KIF6: variants seen among roughly 807,000 people sequenced by gnomAD.
The protein encoded by KIF6 is kinesin-like protein KIF6.
A neutral mutation model predicts 112.7 loss-of-function variants in KIF6; 106 were observed. The observed-to-expected ratio is 0.94, with a 90% confidence interval of 0.80 to 1.11. The LOEUF (loss-of-function observed/expected upper bound fraction) is 1.11. Ranked by LOEUF, KIF6 falls within the 50% of genes least tolerant of loss-of-function variation. The probability of loss-of-function intolerance (pLI) is 0.00; values close to 1 mark genes in which losing one functional copy is unlikely to be tolerated. For missense variants in KIF6, 929 were observed against 964.0 expected, an observed-to-expected ratio of 0.96 and a Z score of 0.48; for synonymous variants, 339 against 339.9, an observed-to-expected ratio of 1.00 and a Z score of 0.03.
chr6:39,376,187 C>T (rs1225719161), intron 16 of KIF6, among the ~76,000 whole-genome samples: 2 of 152,158 alleles, frequency 1.3e-5, no homozygotes, highest in Non-Finnish European at 2.9e-5. Context: ...GTTATCTCAG[C>T]CTTAGAGGGC....
In KIF6 at chr6:39,405,033, G is replaced by A. The variant is rs78239025; in HGVS notation, c.1810+14915C>T. 1.1e-3 allele frequency among the ~76,000 whole-genome samples: 171 copies of A among 151,874 alleles called. 5 individuals carry two copies. In the East Asian group the frequency reaches 0.029, roughly 25 times the overall value. On this transcript the variant is annotated intron_variant, in intron 15 of 22. Transcript: ENST00000287152. ...TTTGGTAAACAATTATTACTAGAATGTAGGAATATAATTGATTTTTATGTG... is the reference window on the plus strand; with the variant it reads ...TTTGGTAAACAATTATTACTAGAATATAGGAATATAATTGATTTTTATGTG...
intron 13 of KIF6, among the ~76,000 whole-genome samples, chr6:39,519,751 C>T (rs762729211): frequency 2.0e-5 from 2 of 97,916 alleles, no homozygotes; most frequent in African/African-American, 5.6e-5. Context: ...CCGGGCGCCG[C>T]GGCTCATGCC....
chr6:39,586,074 A>G (rs939806386), intron 8 of KIF6, among the ~76,000 whole-genome samples, 187 bp downstream of exon 8: 19 of 152,218 alleles, frequency 1.2e-4, no homozygotes, highest in African/African-American at 4.3e-4. Flanking sequence ...TGGGGTTATT[A>G]TAACAATGAC....
chr6:39,599,179 T>C (rs1782446351), intron 6 of KIF6, among the ~76,000 whole-genome samples: 3 of 152,162 alleles, frequency 2.0e-5, no homozygotes, highest in Non-Finnish European at 4.4e-5. Flanking sequence ...TTAATCTGAT[T>C]CAAGATACAA....
At chr6:39,553,868 C>T (rs182339707) in intron 10 of KIF6, 216 of 153,260 alleles carry the variant, frequency 1.4e-3, no homozygotes, top group Non-Finnish European at 2.3e-3. Flanking sequence ...AAGTGGGATA[C>T]GAGAAGTATT....
intron 13 of KIF6, among the ~76,000 whole-genome samples, chr6:39,485,331 T>C (rs755000210): frequency 2.6e-5 from 4 of 152,206 alleles, no homozygotes; most frequent in Non-Finnish European, 4.4e-5. Flanking sequence ...ATCAGCAAGA[T>C]TGTCCTTGAC....
At chr6:39,596,348 A>T (rs1270362197) in intron 6 of KIF6, 88 bp from the exon 7 acceptor site, 3 of 941,980 alleles carry the variant, frequency 3.2e-6, no homozygotes, top group Non-Finnish European at 4.9e-6. Context: ...TTCTAGTGAT[A>T]AGACATTTCC....
At chr6:39,602,381 C>T (rs1341119572) in intron 6 of KIF6, among the ~76,000 whole-genome samples, 1 of 152,144 alleles carries the variant, frequency 6.6e-6, no homozygotes, top group Non-Finnish European at 1.5e-5. Context: ...CAAAACTTTA[C>T]TTCTCACTGA....
intron 13 of KIF6, among the ~76,000 whole-genome samples, chr6:39,468,126 A>G (rs1287933150): frequency 6.6e-6 from 1 of 152,128 alleles, no homozygotes; most frequent in Non-Finnish European, 1.5e-5. Context: ...CAGAAGAATT[A>G]GTGAACCTGA....
In KIF6 at chr6:39,586,416, T is replaced by C. The variant is rs774937659; in HGVS notation, c.847-12A>G. 4 of 1,612,116 alleles carry C rather than the reference T, an allele frequency of 2.5e-6. No individual in the cohort carries two copies. Among genetic ancestry groups the C allele is most frequent in the Admixed American group, 1.7e-5 (1 of 59,886 alleles). On this transcript the variant is annotated splice_polypyrimidine_tract_variant and intron_variant, in intron 7 of 22. Transcript: ENST00000287152. ...AGGGCAATGATAACCTGTGGTAAAGTAGAAAGATAATGGGATTAATTTAGC... is the reference window on the plus strand; with the variant it reads ...AGGGCAATGATAACCTGTGGTAAAGCAGAAAGATAATGGGATTAATTTAGC...
At chr6:39,345,628 T>C in intron 21 of KIF6, 72 bp downstream of exon 21, 1 of 1,270,926 alleles carries the variant, frequency 7.9e-7, no homozygotes, top group Admixed American at 2.1e-5. Context: ...TTTCGGGGAG[T>C]AGACTGGAGA....
chr6:39,670,496 T>C lies in KIF6; in HGVS notation c.252-30739A>G, dbSNP rs530419069. Reference sequence around the variant, plus strand: ...AGGAAGAAAAGATATTTATTATTTATTAAGTGGAAGTGGGTCATCATACAT... The same window carrying C: ...AGGAAGAAAAGATATTTATTATTTACTAAGTGGAAGTGGGTCATCATACAT... On this transcript the variant is annotated intron_variant, in intron 3 of 22. Coordinates refer to ENST00000287152, the MANE Select transcript of KIF6 (RefSeq NM_145027.6). Among the ~76,000 whole-genome samples, 23 of 152,300 alleles carry C rather than the reference T, an allele frequency of 1.5e-4. 1 individual carries two copies. In the East Asian group the frequency reaches 3.9e-3, roughly 26 times the overall value.
chr6:39,420,694 T>C (rs1770299665), intron 14 of KIF6, among the ~76,000 whole-genome samples: 1 of 152,208 alleles, frequency 6.6e-6, no homozygotes. Flanking sequence ...AGTACTCCTC[T>C]ACCCAGAAAT....
intron 10 of KIF6, among the ~76,000 whole-genome samples, chr6:39,572,604 C>T (rs1453731526): frequency 1.3e-5 from 2 of 150,042 alleles, no homozygotes; most frequent in African/African-American, 2.5e-5. Flanking sequence ...ATATTTGACT[C>T]GCTTAGATTT....
chr6:39,571,942 A>G (rs548671572), intron 10 of KIF6, among the ~76,000 whole-genome samples: 2 of 142,506 alleles, frequency 1.4e-5, no homozygotes, highest in South Asian at 4.3e-4. Context: ...TCCTCTTGAC[A>G]TCCTTTAGAA....
At chr6:39,499,699 C>T (rs1025012251) in intron 13 of KIF6, among the ~76,000 whole-genome samples, 2 of 152,184 alleles carry the variant, frequency 1.3e-5, no homozygotes, top group Non-Finnish European at 2.9e-5. Flanking sequence ...TCCCTTCCCC[C>T]TTGAGCTATC....
At chr6:39,553,193 G>A (rs1029833575) in intron 10 of KIF6, among the ~76,000 whole-genome samples, 3 of 152,172 alleles carry the variant, frequency 2.0e-5, no homozygotes, top group African/African-American at 7.2e-5. Context: ...GCAAGGAATT[G>A]AGTTCAATGT....
At chr6:39,640,949 G>T (rs950313480) in intron 3 of KIF6, among the ~76,000 whole-genome samples, 2 of 152,132 alleles carry the variant, frequency 1.3e-5, no homozygotes, top group East Asian at 1.9e-4. Flanking sequence ...AGAAAGTATT[G>T]TAACTGTGTG....
At chr6:39,456,422 A>G (rs1226011069) in intron 13 of KIF6, among the ~76,000 whole-genome samples, 4 of 48,110 alleles carry the variant, frequency 8.3e-5, no homozygotes, top group Non-Finnish European at 1.5e-4. Flanking sequence ...AATCATGCCA[A>G]AATGTAAAGA....
Sources: gnomAD v4.1 joint callset for allele counts (sites outside exome capture counted in the v4.1 genomes callset) on GRCh38, gnomAD v4.1.1 for gene constraint, MANE v1.5 for transcripts, NCBI Gene and HGNC (gene_info 2026-07-23, HGNC 2026-07-21) for gene names.